P2RY8: variants seen among roughly 807,000 people sequenced by gnomAD.
P2RY8 encodes the protein P2Y receptor family member 8.
Under a neutral mutation model 10.0 loss-of-function variants are expected in P2RY8, and 6 were observed. The ratio of observed to expected loss-of-function variants is 0.60; its 90% CI spans 0.33 to 1.19. P2RY8 has a LOEUF of 1.19. Among genes scored for constraint, P2RY8 ranks in the 50% most tolerant of loss-of-function variants. The pLI is 0.04. For missense variants in P2RY8, 456 were observed against 542.0 expected (o/e 0.84, Z 1.58); for synonymous variants, 276 against 252.5 (o/e 1.09, Z -0.88).
intron 1 of P2RY8, among the ~76,000 whole-genome samples, chrX:1,480,759 CT>C (rs1312489494): frequency 2.0e-5 from 3 of 151,916 alleles, no homozygotes; most frequent in Non-Finnish European, 4.4e-5. Flanking sequence ...ACCCTGGCAC[CT>C]GTACACCTAT....
At chrX:1,507,932 C>G (rs2092250184) in intron 1 of P2RY8, among the ~76,000 whole-genome samples, 1 of 152,172 alleles carries the variant, frequency 6.6e-6, no homozygotes, top group African/African-American at 2.4e-5. Context: ...CACCCCACGT[C>G]TTTGCAGCCG....
At chrX:1,471,890 G>A (rs2091791807) in intron 1 of P2RY8, among the ~76,000 whole-genome samples, 1 of 152,078 alleles carries the variant, frequency 6.6e-6, no homozygotes, top group African/African-American at 2.4e-5. Flanking sequence ...AACACACAGG[G>A]GAGTGAGAGG....
intron 1 of P2RY8, among the ~76,000 whole-genome samples, chrX:1,532,787 G>T (rs1209385367): frequency 6.6e-6 from 1 of 151,850 alleles, no homozygotes; most frequent in Non-Finnish European, 1.5e-5. Context: ...AGATCACAAG[G>T]TCAGGAGTTT....
At chrX:1,474,662 G>GGATGGATGGGTGGACA (rs1464240198) in intron 1 of P2RY8, among the ~76,000 whole-genome samples, 39 of 148,804 alleles carry the variant, frequency 2.6e-4, no homozygotes, top group African/African-American at 9.3e-4. Flanking sequence ...ACGTGTGGGT[G>GGATGGATGGGTGGACA]GATGGATGGG....
chrX:1,472,673 T>C lies in P2RY8; in HGVS notation c.-24-6091A>G, dbSNP rs1288464273. Among the ~76,000 whole-genome samples, 20 of 83,450 alleles carry C rather than the reference T, an allele frequency of 2.4e-4. No individual in the cohort carries two copies. In the Admixed American group the frequency reaches 3.2e-3, roughly 13 times the overall value. 54.7% of individuals were successfully genotyped at this position (83,450 alleles called of 152,430 possible). A position where few individuals can be genotyped will look rare whatever the true frequency, so the allele number is the denominator to read the frequency against. On this transcript the variant is annotated intron_variant, in intron 1 of 1. Transcript: ENST00000381297. ...ATGGATGGGAGGATGTATGGATGAA[T>C]GCATGGATGGGTGGATGGGTGGGAG...
chrX:1,481,090 C>T lies in P2RY8; in HGVS notation c.-24-14508G>A, dbSNP rs1319704986. Among the ~76,000 whole-genome samples, 15 of 152,040 alleles carry T rather than the reference C, an allele frequency of 9.9e-5. 1 individual carries two copies. The highest frequency in any genetic ancestry group is 2.0e-4 in the Admixed American group (3 of 15,260). ...CTAGAGATACCAACAGATGAAGTAC[C>T]GGAACTCTCATTGAATGCTGGTCAC... On this transcript the variant is annotated intron_variant, in intron 1 of 1. Coordinates refer to ENST00000381297, the MANE Select transcript of P2RY8 (RefSeq NM_178129.5).
intron 1 of P2RY8, among the ~76,000 whole-genome samples, chrX:1,514,395 TC>T: frequency 9.6e-6 from 1 of 104,414 alleles, no homozygotes; most frequent in African/African-American, 3.9e-5. Flanking sequence ...TCCCTTCCCT[TC>T]CCTTTCCTCC....
chrX:1,509,758 TATCTATCTATCTATCTATCTATC>T (rs2092281860), intron 1 of P2RY8, among the ~76,000 whole-genome samples: 1 of 119,516 alleles, frequency 8.4e-6, no homozygotes, highest in African/African-American at 3.5e-5. Flanking sequence ...TCTGTCTATC[TATCTATCTATCTATCTATCTATC>T]ATCTATGTAT....
intron 1 of P2RY8, among the ~76,000 whole-genome samples, chrX:1,532,390 G>A (rs191878337): frequency 0.047 from 6,479 of 136,718 alleles, 336 homozygotes; most frequent in African/African-American, 0.091. Flanking sequence ...GTGTGTATAT[G>A]CACATATATG....
chrX:1,530,157 GATCTATC>G (rs1431756293), intron 1 of P2RY8, among the ~76,000 whole-genome samples: 952 of 42,526 alleles, frequency 0.022, 14 homozygotes, highest in African/African-American at 0.045. Context: ...ATGTATGTAT[GATCTATC>G]TATCTATCTA....
intron 1 of P2RY8, among the ~76,000 whole-genome samples, chrX:1,480,629 C>T (rs2091923751): frequency 6.6e-6 from 1 of 151,898 alleles, no homozygotes; most frequent in Non-Finnish European, 1.5e-5. Flanking sequence ...AATGAGAACA[C>T]ATGGACACAG....
At chrX:1,527,833 C>A (rs1381148173) in intron 1 of P2RY8, among the ~76,000 whole-genome samples, 1 of 152,222 alleles carries the variant, frequency 6.6e-6, no homozygotes, top group African/African-American at 2.4e-5. Context: ...TTTATTCATT[C>A]ACCCATCTAT....
At chrX:1,522,165 G>A (rs1318159188) in intron 1 of P2RY8, among the ~76,000 whole-genome samples, 1 of 151,334 alleles carries the variant, frequency 6.6e-6, no homozygotes, top group Non-Finnish European at 1.5e-5. Context: ...ATGTTAGCCA[G>A]GCTAGTCTCG....
chrX:1,512,194 G>T (rs1301726881), intron 1 of P2RY8, among the ~76,000 whole-genome samples: 76 of 152,144 alleles, frequency 5.0e-4, no homozygotes, highest in African/African-American at 1.8e-3. Flanking sequence ...TGGAGGTGAA[G>T]AGTCTGAGAT....
chrX:1,515,300 T>G (rs1436476391), intron 1 of P2RY8, among the ~76,000 whole-genome samples: 1 of 151,868 alleles, frequency 6.6e-6, no homozygotes, highest in Admixed American at 6.6e-5. Flanking sequence ...AATTCACCCA[T>G]CTACAGTTCA....
At chrX:1,523,903 C>T (rs753160004) in intron 1 of P2RY8, among the ~76,000 whole-genome samples, 36 of 152,148 alleles carry the variant, frequency 2.4e-4, no homozygotes, top group Non-Finnish European at 3.7e-4. Context: ...GTTGGCCAGG[C>T]TGGTCTGGAA....
chrX:1,467,292 G>A (rs2091699829), intron 1 of P2RY8, among the ~76,000 whole-genome samples: 1 of 152,146 alleles, frequency 6.6e-6, no homozygotes, highest in Admixed American at 6.5e-5. Flanking sequence ...TCTTCCTCCA[G>A]AGGAGACCTG....
intron 1 of P2RY8, among the ~76,000 whole-genome samples, chrX:1,488,733 GGTGTGTGTGTGTGT>G (rs771296428): frequency 1.4e-5 from 2 of 147,530 alleles, no homozygotes; most frequent in African/African-American, 2.5e-5. Context: ...GTAAATGCAG[GGTGTGTGTGTGTGT>G]GTGTGTGTGT....
At chrX:1,471,891 G>C (rs2091791836) in intron 1 of P2RY8, among the ~76,000 whole-genome samples, 1 of 152,106 alleles carries the variant, frequency 6.6e-6, no homozygotes, top group South Asian at 2.1e-4. Context: ...ACACACAGGG[G>C]AGTGAGAGGC....
Sources: allele counts gnomAD v4.1 joint callset (sites outside exome capture counted in the v4.1 genomes callset), GRCh38; gene constraint gnomAD v4.1.1; transcripts MANE v1.5; gene names NCBI Gene and HGNC (gene_info 2026-07-23, HGNC 2026-07-21).